The following HELLS variants were observed in gnomAD, a reference collection of about 807,000 sequenced individuals.
HELLS encodes the protein lymphoid-specific helicase.
In HELLS, 32 loss-of-function variants were observed where a neutral mutation model predicts 120.0. The ratio of observed to expected loss-of-function variants is 0.27; its 90% confidence interval spans 0.20 to 0.36. HELLS has a LOEUF of 0.36. HELLS is among the 10% of genes least tolerant of loss of function. HELLS has a pLI of 1.00. For synonymous variants in HELLS, 341 were observed against 323.4 expected (o/e 1.05, Z -0.58); for missense variants, 650 against 993.4 (o/e 0.65, Z 4.65).
At chr10:94,547,704 G>A (rs1842803457) in intron 2 of HELLS, among the ~76,000 whole-genome samples, 1 of 152,138 alleles carries the variant, frequency 6.6e-6, no homozygotes, top group Non-Finnish European at 1.5e-5. Flanking sequence ...AACCAAATAG[G>A]TTTTATTAGT....
intron 12 of HELLS, chr10:94,584,047 A>C (rs1014794624): frequency 8.5e-7 from 1 of 1,176,970 alleles, no homozygotes; most frequent in African/African-American, 1.5e-5. Flanking sequence ...TTGAAGGCAA[A>C]TTGCCCTCCA....
intron 17 of HELLS, 35 bp downstream of exon 17, chr10:94,592,549 C>A: frequency 2.3e-6 from 3 of 1,277,744 alleles, no homozygotes; most frequent in Admixed American, 2.9e-5. Flanking sequence ...CCAAACTATT[C>A]TTTTATAATT....
Position 94,588,351 on chromosome 10 carries a change from T to C in HELLS, c.1449T>C (p.Ile483=). 1.2e-6 allele frequency: 2 copies of C among 1,611,624 alleles called. No homozygotes were observed. The highest frequency in any genetic ancestry group is 1.7e-6 in the Non-Finnish European group (2 of 1,178,862). The change falls in exon 13 of 22, where the codon ATT becomes ATC. Residue 483 remains isoleucine (I), a synonymous_variant. Transcript: ENST00000348459. The part of the protein sequence containing the change: ...SKKQEIFYTA[I]VNRTIANMFG... ...AGCAGGAGATCTTTTATACAGCCAT[T>C]GTGAACCGTACAATTGCAAACATGT...
At chr10:94,556,110 T>C (rs1843248865) in intron 3 of HELLS, among the ~76,000 whole-genome samples, 1 of 152,170 alleles carries the variant, frequency 6.6e-6, no homozygotes, top group African/African-American at 2.4e-5. Flanking sequence ...TAGTTAAAAG[T>C]CTTGGGGACT....
intron 19 of HELLS, among the ~76,000 whole-genome samples, chr10:94,595,272 G>A (rs759463433): frequency 6.6e-6 from 1 of 152,038 alleles, no homozygotes; most frequent in Non-Finnish European, 1.5e-5. Context: ...ATTTAAATAA[G>A]CAGTGGGGAA....
chr10:94,565,258 C>T (rs1321121010), intron 6 of HELLS, among the ~76,000 whole-genome samples: 1 of 151,914 alleles, frequency 6.6e-6, no homozygotes, highest in African/African-American at 2.4e-5. Context: ...AATCACGAAC[C>T]TGGGAGGCAG....
intron 1 of HELLS, 119 bp downstream of exon 1, chr10:94,546,071 A>C: frequency 8.2e-7 from 1 of 1,216,408 alleles, no homozygotes; most frequent in Non-Finnish European, 1.2e-6. Flanking sequence ...CTGAGGAGGA[A>C]AGGAGGGTTG....
At chr10:94,546,280 C>T (rs1842748338) in intron 1 of HELLS, 97 bp from the exon 2 acceptor site, 1 of 1,449,492 alleles carries the variant, frequency 6.9e-7, no homozygotes, top group East Asian at 2.3e-5. Flanking sequence ...GCTTTTGCTC[C>T]AGTGCATCTC....
At chr10:94,611,750 G>A (rs911025092) in exon 10 of HELLS, 1 of 152,190 alleles carries the variant, frequency 6.6e-6, no homozygotes, top group Admixed American at 6.5e-5. Flanking sequence ...TTCTAGTTCA[G>A]AGTGATTGGC....
At chr10:94,579,687 G>A (rs189883945) in intron 10 of HELLS, among the ~76,000 whole-genome samples, 7 of 151,906 alleles carry the variant, frequency 4.6e-5, no homozygotes, top group African/African-American at 1.2e-4. Flanking sequence ...GACTACAGGC[G>A]TCCGTCATCA....
intron 10 of HELLS, among the ~76,000 whole-genome samples, chr10:94,580,972 A>G (rs1844840134): frequency 6.6e-6 from 1 of 152,214 alleles, no homozygotes; most frequent in Non-Finnish European, 1.5e-5. Flanking sequence ...ATAAAAGCTC[A>G]ATTTTTAGTA....
intron 15 of HELLS, among the ~76,000 whole-genome samples, chr10:94,591,555 T>G (rs1845492455): frequency 6.6e-6 from 1 of 152,202 alleles, no homozygotes; most frequent in African/African-American, 2.4e-5. Flanking sequence ...TTCTGTGCAC[T>G]TAGGACATTT....
intron 10 of HELLS, chr10:94,577,158 A>G (rs1451489150): frequency 2.5e-6 from 1 of 397,036 alleles, no homozygotes; most frequent in African/African-American, 2.1e-5. Flanking sequence ...TTTGAAGACA[A>G]GTTATTTTTA....
chr10:94,548,069 A>G (rs2134265487), intron 2 of HELLS, among the ~76,000 whole-genome samples: 1 of 152,342 alleles, frequency 6.6e-6, no homozygotes, highest in Non-Finnish European at 1.5e-5. Context: ...ATGACCAAAT[A>G]AGTAATGATA....
At chr10:94,613,259 A>T (rs1474838406) in exon 10 of HELLS, 1 of 152,172 alleles carries the variant, frequency 6.6e-6, no homozygotes, top group Non-Finnish European at 1.5e-5. Flanking sequence ...CCATTCTCAT[A>T]ATGTGGCAAT....
rs751672906 is a variant in HELLS, at chr10:94,545,899, G to C, written c.-23G>C. 1.0e-4 allele frequency: 158 copies of C among 1,552,834 alleles called. No individual in the cohort carries two copies. The highest frequency in any genetic ancestry group is 1.3e-4 in the Non-Finnish European group (153 of 1,147,578). ...TGCAGGCTCTGAGAGGAGGGGACCC[G>C]GTTCCCGGGTGAGTGTCCAGGCATG... On this transcript the variant is annotated 5_prime_UTR_variant, in exon 1 of 22. Transcript: ENST00000348459.
At chr10:94,582,308 A>T (rs917976113) in intron 11 of HELLS, among the ~76,000 whole-genome samples, 4 of 152,146 alleles carry the variant, frequency 2.6e-5, no homozygotes, top group Admixed American at 6.5e-5. Context: ...TCCTGTGCAG[A>T]CATACTGAGT....
chr10:94,592,430 C>T lies in HELLS; in HGVS notation c.1887C>T (p.Asp629=), dbSNP rs2134113100. 6.3e-7 allele frequency: 1 copy of T among 1,589,546 alleles called. No homozygotes were observed. The stretch of plus-strand genomic sequence containing the variant: ...TTTCACAAATGACAAGCATGTTGGA[C>T]ATTTTGATGGATTACTGCCATCTCA... ...LLFSQMTSML[D]ILMDYCHLRD... Residue 629 remains aspartate, a synonymous_variant, in exon 17 of 22, where the codon GAC becomes GAT. Coordinates refer to ENST00000348459, the MANE Select transcript of HELLS (RefSeq NM_018063.5).
intron 21 of HELLS, among the ~76,000 whole-genome samples, chr10:94,600,507 G>C (rs1160470638): frequency 6.6e-6 from 1 of 152,132 alleles, no homozygotes; most frequent in Non-Finnish European, 1.5e-5. Flanking sequence ...GTACAATATG[G>C]TGAATCTAGA....
Sources: allele counts gnomAD v4.1 joint callset (sites outside exome capture counted in the v4.1 genomes callset), GRCh38; gene constraint gnomAD v4.1.1; transcripts MANE v1.5; gene names NCBI Gene and HGNC (gene_info 2026-07-23, HGNC 2026-07-21).